Variants in NRXN3 observed in about 807,000 individuals in gnomAD.
NRXN3 encodes the protein neurexin III.
NRXN3 carries 32 observed loss-of-function variants against 137.6 expected under a neutral mutation model. The ratio of observed to expected loss-of-function variants is 0.23; its 90% CI spans 0.18 to 0.31. The LOEUF (loss-of-function observed/expected upper bound fraction) is 0.31. NRXN3 is among the 10% of genes least tolerant of loss of function. The pLI, the probability that NRXN3 is intolerant of heterozygous loss-of-function variation, is 1.00. For synonymous variants in NRXN3, 798 were observed against 784.5 expected, an observed-to-expected ratio of 1.02 and a Z score of -0.29; for missense variants, 1,574 against 2,062.5, an observed-to-expected ratio of 0.76 and a Z score of 4.59.
chr14:78,870,084 C>A (rs1367368394), intron 10 of NRXN3, among the ~76,000 whole-genome samples: 2 of 152,178 alleles, frequency 1.3e-5, no homozygotes, highest in African/African-American at 4.8e-5. Context: ...GAATGAAGAA[C>A]TTAATCAGGT....
At chr14:78,324,073 T>A (rs1445020287) in intron 4 of NRXN3, among the ~76,000 whole-genome samples, 1 of 152,100 alleles carries the variant, frequency 6.6e-6, no homozygotes, top group Non-Finnish European at 1.5e-5. Flanking sequence ...GGATTGAGAC[T>A]AGCCCAAGGT....
chr14:79,133,945 A>G (rs1213505325), intron 15 of NRXN3, among the ~76,000 whole-genome samples: 1 of 114,230 alleles, frequency 8.8e-6, no homozygotes, highest in Non-Finnish European at 1.8e-5. Context: ...AAGAAAAAAA[A>G]AAAAAAGGAA....
chr14:78,388,721 G>A (rs911792510), intron 4 of NRXN3, among the ~76,000 whole-genome samples: 4 of 151,846 alleles, frequency 2.6e-5, no homozygotes, highest in Admixed American at 6.6e-5. Flanking sequence ...TAGAACACTT[G>A]GAAAACAGAA....
intron 4 of NRXN3, among the ~76,000 whole-genome samples, chr14:78,413,371 C>A (rs1050654961): frequency 2.0e-5 from 3 of 152,182 alleles, no homozygotes; most frequent in Admixed American, 2.0e-4. Context: ...CCACAACCTC[C>A]ACCTACTGGG....
chr14:79,206,029 G>A (rs926480873), intron 15 of NRXN3, among the ~76,000 whole-genome samples: 7 of 152,124 alleles, frequency 4.6e-5, no homozygotes, highest in Admixed American at 1.3e-4. Context: ...AACATGCATG[G>A]AGGAACACAC....
chr14:79,515,619 G>A lies in NRXN3; in HGVS notation c.3444+48217G>A, dbSNP rs754483503. 4.2e-5 allele frequency among the ~76,000 whole-genome samples: 6 copies of A among 141,252 alleles called. 1 individual carries two copies. Among genetic ancestry groups the A allele is most frequent in the East Asian group, 1.9e-4 (1 of 5,172 alleles). 92.7% of individuals were successfully genotyped at this position (141,252 alleles called of 152,430 possible). A position where few individuals can be genotyped will look rare whatever the true frequency, so the allele number is the denominator to read the frequency against. On this transcript the variant is annotated intron_variant, in intron 16 of 20. Transcript: ENST00000335750. ...CCTTGTTTTCATTTCTCCTCCTCCC[G>A]CCTTCCTGTCTTCCTCTTCCTCTCC...
At chr14:79,291,433 C>G (rs1184744853) in intron 15 of NRXN3, among the ~76,000 whole-genome samples, 1 of 151,474 alleles carries the variant, frequency 6.6e-6, no homozygotes, top group Non-Finnish European at 1.5e-5. Context: ...ATTGTCCAGA[C>G]CAGTCTCAAA....
chr14:79,510,612 G>T (rs943347837), intron 16 of NRXN3, among the ~76,000 whole-genome samples: 59 of 152,214 alleles, frequency 3.9e-4, no homozygotes, highest in Admixed American at 3.2e-3. Flanking sequence ...GTGATTTTGG[G>T]GCTGGCGTTA....
chr14:79,501,625 A>C (rs1008677899), intron 16 of NRXN3, among the ~76,000 whole-genome samples: 1 of 152,172 alleles, frequency 6.6e-6, no homozygotes, highest in African/African-American at 2.4e-5. Flanking sequence ...CAAATAGTCA[A>C]TTACAGTGAG....
At position 79,129,309 on chromosome 14, in the gene NRXN3, G is replaced by A. The variant is rs1029431550; in HGVS notation, c.3262+141168G>A. ...GGATCTTTCCTGCTTTCTCTTGTGG[G>A]CATTTAGTGCTATAAATTTCCCTCT... On this transcript the variant is annotated intron_variant, in intron 15 of 20. Coordinates refer to ENST00000335750, the MANE Select transcript of NRXN3 (RefSeq NM_001330195.2). 7.4e-3 allele frequency among the ~76,000 whole-genome samples: 1,083 copies of A among 146,592 alleles called. 11 individuals are homozygous for A. Among genetic ancestry groups the A allele is most frequent in the African/African-American group, 0.026 (1,016 of 39,020 alleles).
chr14:78,989,035 T>C (rs1156768157), intron 15 of NRXN3, among the ~76,000 whole-genome samples: 1 of 152,162 alleles, frequency 6.6e-6, no homozygotes, highest in Non-Finnish European at 1.5e-5. Context: ...GATGTGACCA[T>C]AGTAAAGATG....
At chr14:78,834,939 C>G (rs1170111749) in intron 10 of NRXN3, among the ~76,000 whole-genome samples, 6 of 152,102 alleles carry the variant, frequency 3.9e-5, no homozygotes, top group Non-Finnish European at 7.4e-5. Flanking sequence ...CTTCCCCTCC[C>G]CTTCCTCCTC....
At chr14:79,825,603 A>G (rs2099294904) in intron 20 of NRXN3, among the ~76,000 whole-genome samples, 2 of 152,204 alleles carry the variant, frequency 1.3e-5, no homozygotes, top group Non-Finnish European at 1.5e-5. Flanking sequence ...ACTTTTCTCA[A>G]TAAGTAAATA....
At chr14:79,560,741 A>G (rs1318305436) in intron 16 of NRXN3, among the ~76,000 whole-genome samples, 1 of 151,796 alleles carries the variant, frequency 6.6e-6, no homozygotes, top group Non-Finnish European at 1.5e-5. Flanking sequence ...GGGTTTCACC[A>G]TGTTGGCCAG....
At chr14:79,126,506 A>C (rs987991191) in intron 15 of NRXN3, among the ~76,000 whole-genome samples, 5 of 152,150 alleles carry the variant, frequency 3.3e-5, no homozygotes, top group African/African-American at 9.7e-5. Flanking sequence ...ACATGAACTC[A>C]TCATTTTTTA....
At chr14:79,650,335 A>C (rs2098470106) in intron 16 of NRXN3, among the ~76,000 whole-genome samples, 1 of 152,086 alleles carries the variant, frequency 6.6e-6, no homozygotes, top group Non-Finnish European at 1.5e-5. Flanking sequence ...ACGTTCCTTC[A>C]TTTTTTATAT....
intron 1 of NRXN3, among the ~76,000 whole-genome samples, chr14:78,214,264 C>T (rs1402939206): frequency 1.3e-5 from 2 of 152,176 alleles, no homozygotes; most frequent in Admixed American, 6.5e-5. Context: ...GATGTTTCCT[C>T]TGCCTGGGGT....
intron 16 of NRXN3, among the ~76,000 whole-genome samples, chr14:79,652,317 AG>A (rs2098480403): frequency 7.6e-6 from 1 of 131,068 alleles, no homozygotes; most frequent in African/African-American, 4.6e-5. Context: ...CATAAAGAAG[AG>A]AGAGAAGAAT....
chr14:78,601,552 A>C (rs1294214099), intron 4 of NRXN3, among the ~76,000 whole-genome samples: 1 of 151,354 alleles, frequency 6.6e-6, no homozygotes, highest in African/African-American at 2.4e-5. Context: ...TCCTGGGTTC[A>C]CGCCATTCTC....
Sources: allele counts gnomAD v4.1 joint callset (sites outside exome capture counted in the v4.1 genomes callset), GRCh38; gene constraint gnomAD v4.1.1; transcripts MANE v1.5; gene names NCBI Gene and HGNC (gene_info 2026-07-23, HGNC 2026-07-21).